The following BAHD1 variants were observed in gnomAD, a reference collection of about 807,000 sequenced individuals.
The protein encoded by BAHD1 is bromo adjacent homology domain-containing 1 protein.
In BAHD1, 20 loss-of-function variants were observed where a neutral mutation model predicts 63.1. The ratio of observed to expected loss-of-function variants is 0.32; its 90% confidence interval spans 0.22 to 0.46. The LOEUF is 0.46. Ranked by LOEUF, BAHD1 falls within the 20% of genes least tolerant of loss-of-function variation. The probability of loss-of-function intolerance (pLI) is 1.00; values close to 1 mark genes in which losing one functional copy is unlikely to be tolerated. For missense variants in BAHD1, 939 were observed against 1,071.8 expected (o/e 0.88, Z 1.73); for synonymous variants, 408 against 426.8 (o/e 0.96, Z 0.54).
chr15:40,439,995 C>G (rs897575065), upstream of BAHD1: 1 of 152,254 alleles, frequency 6.6e-6, no homozygotes. Flanking sequence ...TCTCCCGTAG[C>G]TTGGGGACGC....
In BAHD1 at chr15:40,458,759, C is replaced by A; in HGVS notation, c.295C>A (p.Pro99Thr). The stretch of plus-strand genomic sequence containing the variant: ...TGAGCTACCGCCTGACCTGCCCAAG[C>A]CCCCCAGCCCGGCCCCATCCAGTGA... Reference protein sequence around the residue: ...ADELPPDLPKPPSPAPSSEDP... With the variant: ...ADELPPDLPKTPSPAPSSEDP... Residue 99 changes from proline to threonine, a missense_variant, in exon 2 of 7, where the codon CCC becomes ACC. Transcript: ENST00000416165. This position sits in a 1 kb window ranked among gnomAD's most constrained non-coding sequence, Gnocchi z 4.7. 1 of 1,613,186 alleles carries A rather than the reference C, an allele frequency of 6.2e-7. No individual in the cohort carries two copies. The highest frequency in any genetic ancestry group is 1.3e-5 in the African/African-American group (1 of 75,056).
Position 40,462,313 on chromosome 15 carries a change from C to T in BAHD1, c.1815+19C>T, listed in dbSNP as rs747739624. On this transcript the variant is annotated intron_variant, in intron 3 of 6. Transcript: ENST00000416165. The stretch of plus-strand genomic sequence containing the variant: ...TGTCTTGGTAAGTGCTAGCTCTTAG[C>T]TGATGACGAGAGGGAGGGAGGCAGT... The T allele has an allele frequency of 1.3e-6, 2 of 1,578,032 alleles. No individual in the cohort carries two copies. The highest frequency in any genetic ancestry group is 1.7e-6 in the Non-Finnish European group (2 of 1,157,000).
chr15:40,441,889 G>C (rs892830726), intron 1 of BAHD1, among the ~76,000 whole-genome samples: 1 of 151,880 alleles, frequency 6.6e-6, no homozygotes, highest in African/African-American at 2.4e-5. Context: ...GGGGCGGCAG[G>C]GGGGAGTAGT....
At chr15:40,459,986 C>G in intron 2 of BAHD1, 90 bp downstream of exon 2, 1 of 1,424,766 alleles carries the variant, frequency 7.0e-7, no homozygotes, top group Non-Finnish European at 9.2e-7. Context: ...AGGGGTCTCC[C>G]TTGGGGTCTG....
intron 1 of BAHD1, among the ~76,000 whole-genome samples, chr15:40,455,887 T>C (rs1388051109): frequency 6.6e-6 from 1 of 152,234 alleles, no homozygotes; most frequent in Non-Finnish European, 1.5e-5. Context: ...CTGCTGCTTC[T>C]CGTTGCATGC....
At chr15:40,441,457 C>A (rs967366953) in intron 1 of BAHD1, among the ~76,000 whole-genome samples, 189 bp downstream of exon 1, 1 of 150,104 alleles carries the variant, frequency 6.7e-6, no homozygotes, top group Non-Finnish European at 1.5e-5. Flanking sequence ...CAGGTGCGGC[C>A]GCCCGCCCGC....
At position 40,465,966 on chromosome 15, in the gene BAHD1, G is replaced by C; in HGVS notation, c.2179G>C (p.Gly727Arg). Reference sequence around the variant, plus strand: ...GTTCTGTGCCATGGCCAAGCGCCGAGGTGAAGGCCTCCCCAGCCGAAAGAC... The same window carrying C: ...GTTCTGTGCCATGGCCAAGCGCCGACGTGAAGGCCTCCCCAGCCGAAAGAC... Reference protein sequence around the residue: ...CRFCAMAKRRGEGLPSRKTAL... With the variant: ...CRFCAMAKRRREGLPSRKTAL... The change falls in exon 7 of 7, where the codon GGT (glycine) becomes CGT (arginine). Residue 727 changes from glycine to arginine, a missense_variant. By Grantham distance (125) the Gly-to-Arg change is moderately radical. Around this residue, in one of 5 missense-constraint regions of BAHD1, gnomAD observed 68 missense variants for 86.2 expected, o/e 0.79. Coordinates refer to ENST00000416165, the MANE Select transcript of BAHD1 (RefSeq NM_014952.5). 1 of 1,604,408 alleles carries C rather than the reference G, an allele frequency of 6.2e-7. No homozygotes were observed. The highest frequency in any genetic ancestry group is 8.5e-7 in the Non-Finnish European group (1 of 1,175,544).
At chr15:40,457,612 C>T (rs556730260) in intron 1 of BAHD1, among the ~76,000 whole-genome samples, 46 of 152,382 alleles carry the variant, frequency 3.0e-4, no homozygotes, top group African/African-American at 1.1e-3. Flanking sequence ...GGGTCCCCAT[C>T]TCAGCTCTTC....
At chr15:40,447,843 C>G (rs1169495764) in intron 1 of BAHD1, among the ~76,000 whole-genome samples, 2 of 152,056 alleles carry the variant, frequency 1.3e-5, no homozygotes, top group African/African-American at 4.8e-5. Context: ...TGGGGGTTAC[C>G]TTTTTCTGGA....
chr15:40,439,280 C>T (rs895829296), upstream of BAHD1, among the ~76,000 whole-genome samples: 1 of 152,190 alleles, frequency 6.6e-6, no homozygotes, highest in Non-Finnish European at 1.5e-5. Context: ...GGGGCCCCTC[C>T]TTTAAGTGTG....
At position 40,467,587 on chromosome 15, in the gene BAHD1, T is replaced by A. The variant is rs547298278; in HGVS notation, c.*1457T>A. ...GCTGGGCAGGGGCTGCAGAGGGAGG[T>A]GGAAATGAACCCTGAGGGCTCCCCC... On this transcript the variant is annotated 3_prime_UTR_variant, in exon 7 of 7. Transcript: ENST00000416165. The A allele has an allele frequency of 1.4e-4, 22 of 152,020 alleles. No homozygotes were observed. Among genetic ancestry groups the A allele is most frequent in the African/African-American group, 4.4e-4 (18 of 41,172 alleles). The allele number at this position is 152,020 out of a possible 1,614,324, so 9.4% of individuals were successfully genotyped here. A position where few individuals can be genotyped will look rare whatever the true frequency, so the allele number is the denominator to read the frequency against.
At chr15:40,452,364 G>A (rs537486210) in intron 1 of BAHD1, among the ~76,000 whole-genome samples, 13 of 152,372 alleles carry the variant, frequency 8.5e-5, no homozygotes, top group Admixed American at 7.8e-4. Context: ...CTCCACTGAA[G>A]CCTCATTCAG....
rs575312821 is a variant in BAHD1 at position 40,442,001 on chromosome 15, T to C, written c.-15+733T>C. Among the ~76,000 whole-genome samples, 9 of 151,316 alleles carry C rather than the reference T, an allele frequency of 5.9e-5. No individual in the cohort carries two copies. The South Asian group carries it at 1.9e-3, about 32-fold the overall frequency. ...GGCCGCGGGAGGCCCTGCGGGGACC[T>C]TGCGGGGCGGCGGCCGAGTCCGAGG... On this transcript the variant is annotated intron_variant, in intron 1 of 6. Transcript: ENST00000416165.
At chr15:40,453,800 C>T (rs1376375678) in intron 1 of BAHD1, 1 of 151,654 alleles carries the variant, frequency 6.6e-6, no homozygotes, top group East Asian at 1.9e-4. Context: ...CCCCCCCAAC[C>T]CCCTGCAGCC....
Position 40,441,167 on chromosome 15 carries a change from A to G in BAHD1, c.-116A>G, listed in dbSNP as rs1003343339. 8 of 150,172 alleles carry G rather than the reference A, an allele frequency of 5.3e-5. No individual in the cohort carries two copies. Among genetic ancestry groups the G allele is most frequent in the Admixed American group, 2.0e-4 (3 of 15,114 alleles). 9.3% of individuals were successfully genotyped at this position (150,172 alleles called of 1,614,324 possible). A position where few individuals can be genotyped will look rare whatever the true frequency, so the allele number is the denominator to read the frequency against. ...AGGAGGCGCTGACGCAGCAGCGTGG[A>G]GCCCGGGAATTGAGCGCCCCCGGGG... On this transcript the variant is annotated 5_prime_UTR_variant, in exon 1 of 7. Coordinates refer to ENST00000416165, the MANE Select transcript of BAHD1 (RefSeq NM_014952.5).
chr15:40,447,560 GAATAAATAAATAAATAAATAAATAAATA>G (rs145969802), intron 1 of BAHD1, among the ~76,000 whole-genome samples: 20 of 138,836 alleles, frequency 1.4e-4, no homozygotes, highest in Middle Eastern at 3.5e-3. Context: ...TCTGTCTCCA[GAATAAATAAATAAATAAATAAATAAATA>G]AATAAATAAA....
chr15:40,441,396 G>T (rs1372590769), intron 1 of BAHD1, 128 bp downstream of exon 1: 1 of 150,244 alleles, frequency 6.7e-6, no homozygotes, highest in Non-Finnish European at 1.5e-5. Context: ...AGCGCGCCGC[G>T]CCACCGCCCC....
At chr15:40,439,303 G>C (rs1263801251), upstream of BAHD1, among the ~76,000 whole-genome samples, 1 of 152,204 alleles carries the variant, frequency 6.6e-6, no homozygotes. Context: ...CCCCCAAACA[G>C]CTAAGACAGT....
rs1243744578 is a variant in BAHD1, at chr15:40,459,480, A to G, written c.1016A>G (p.Lys339Arg). 2 of 1,613,940 alleles carry G rather than the reference A, an allele frequency of 1.2e-6. No homozygotes were observed. The highest frequency in any genetic ancestry group is 1.7e-6 in the Non-Finnish European group (2 of 1,180,018). ...CCAGGCGAGGAGTCACCTGCCCCTA[A>G]GCAGGAACTGCATCAGCCCTCTTTC... Reference protein sequence around the residue: ...GRPGEESPAPKQELHQPSFPT... With the variant: ...GRPGEESPAPRQELHQPSFPT... Residue 339 changes from lysine to arginine, a missense_variant, in exon 2 of 7, where the codon AAG (lysine) becomes AGG (arginine). By Grantham distance (26) the Lys-to-Arg change is conservative (BLOSUM62 2). This residue lies in a region of BAHD1 where 797 missense variants were observed against 813.3 expected (regional missense o/e 0.98). Coordinates refer to ENST00000416165, the MANE Select transcript of BAHD1 (RefSeq NM_014952.5).
Sources: gnomAD v4.1 joint callset for allele counts (sites outside exome capture counted in the v4.1 genomes callset) on GRCh38, gnomAD v4.1.1 for gene constraint, gnomAD v4.1.1 regional missense constraint, Gnocchi (gnomAD v3.1) non-coding constraint, MANE v1.5 for transcripts, NCBI Gene and HGNC (gene_info 2026-07-23, HGNC 2026-07-21) for gene names.